MYO16: variants seen among roughly 807,000 people sequenced by gnomAD.
The protein encoded by MYO16 is unconventional myosin-XVI.
A neutral mutation model predicts 205.3 loss-of-function variants in MYO16; 94 were observed. The observed-to-expected ratio is 0.46, with a 90% CI of 0.39 to 0.54. The LOEUF is 0.54. Ranked by LOEUF, MYO16 falls within the 20% of genes least tolerant of loss-of-function variation. MYO16 has a pLI of 0.00. For synonymous variants in MYO16, 988 were observed against 954.0 expected (o/e 1.04, Z -0.66); for missense variants, 2,315 against 2,387.5 (o/e 0.97, Z 0.63).
At chr13:108,679,951 C>T (rs1882392273) in intron 2 of MYO16, among the ~76,000 whole-genome samples, 3 of 152,110 alleles carry the variant, frequency 2.0e-5, no homozygotes, top group Admixed American at 2.0e-4. Flanking sequence ...TCTGCCATCC[C>T]CTATCTAGAA....
At chr13:109,000,381 C>T (rs1207666158) in intron 21 of MYO16, among the ~76,000 whole-genome samples, 1 of 152,168 alleles carries the variant, frequency 6.6e-6, no homozygotes, top group East Asian at 1.9e-4. Flanking sequence ...TTATGAGGCC[C>T]AGTGGGAATT....
At chr13:109,002,937 T>C (rs1375740335) in intron 21 of MYO16, among the ~76,000 whole-genome samples, 1 of 152,252 alleles carries the variant, frequency 6.6e-6, no homozygotes, top group Admixed American at 6.5e-5. Flanking sequence ...TATTGAATGA[T>C]ATGTTCCTAT....
intron 23 of MYO16, among the ~76,000 whole-genome samples, chr13:109,026,590 A>T (rs1191808402): frequency 6.6e-6 from 1 of 152,224 alleles, no homozygotes; most frequent in Non-Finnish European, 1.5e-5. Flanking sequence ...TTATTGGTTC[A>T]TCTTGACAGA....
chr13:108,549,301 A>G, the MYO16 span, among the ~76,000 whole-genome samples: 1 of 152,142 alleles, frequency 6.6e-6, no homozygotes, highest in African/African-American at 2.4e-5. Flanking sequence ...TTTGAAGGGG[A>G]AAAAGGGGCT....
At chr13:108,923,194 G>A (rs954174068) in intron 16 of MYO16, among the ~76,000 whole-genome samples, 1 of 152,230 alleles carries the variant, frequency 6.6e-6, no homozygotes, top group African/African-American at 2.4e-5. Flanking sequence ...AGCCCCTGAA[G>A]ACCTGGGGGC....
intron 13 of MYO16, among the ~76,000 whole-genome samples, chr13:108,886,106 G>A (rs533741191): frequency 2.0e-5 from 3 of 152,134 alleles, no homozygotes; most frequent in South Asian, 2.1e-4. Context: ...TCCTGCCTCA[G>A]CCTCCCGAAT....
intron 20 of MYO16, among the ~76,000 whole-genome samples, chr13:108,978,302 A>C (rs372616152): frequency 1.3e-5 from 2 of 152,092 alleles, no homozygotes; most frequent in African/African-American, 4.8e-5. Context: ...CTGCCAATAC[A>C]TGTGGGAAAT....
intron 8 of MYO16, among the ~76,000 whole-genome samples, chr13:108,822,628 ATAT>A (rs901092213): frequency 1.3e-5 from 2 of 152,178 alleles, no homozygotes; most frequent in Non-Finnish European, 2.9e-5. Context: ...AAAGGTAAAA[ATAT>A]TATGGCTAGA....
At chr13:108,953,609 T>C (rs1008413254) in intron 16 of MYO16, among the ~76,000 whole-genome samples, 1 of 152,028 alleles carries the variant, frequency 6.6e-6, no homozygotes, top group Non-Finnish European at 1.5e-5. Context: ...TACTTAAATA[T>C]GTCTCCAGAT....
chr13:108,888,603 A>C (rs1160600896), intron 14 of MYO16, 126 bp downstream of exon 14: 1 of 499,118 alleles, frequency 2.0e-6, no homozygotes, highest in Non-Finnish European at 3.5e-6. Flanking sequence ...ATAAAGAATA[A>C]AAAATTATTG....
In MYO16 at chr13:109,019,825, G is replaced by A. The variant is rs781028366; in HGVS notation, c.2710G>A (p.Val904Met). ...SLLESSNTNA[V>M]YSPMKDGNGN... ...CCTAGAATCCTCAAACACAAATGCG[G>A]TGTACTCCCCCATGAAGGATGGGAA... The change falls in exon 23 of 35, where the codon GTG (valine) becomes ATG (methionine). Residue 904 changes from valine to methionine, a missense_variant. Physicochemically the swap from Val to Met is conservative, Grantham distance 21. Around this residue, in one of 3 missense-constraint regions of MYO16, gnomAD observed 1,213 missense variants for 1,274.4 expected, o/e 0.95. Coordinates refer to ENST00000457511, the MANE Select transcript of MYO16 (RefSeq NM_001198950.3). 5.6e-6 allele frequency: 9 copies of A among 1,614,102 alleles called. No homozygotes were observed. The highest frequency in any genetic ancestry group is 7.6e-6 in the Non-Finnish European group (9 of 1,179,998).
chr13:109,192,947 T>C (rs989989054), intron 34 of MYO16, among the ~76,000 whole-genome samples: 2 of 152,232 alleles, frequency 1.3e-5, no homozygotes, highest in Non-Finnish European at 2.9e-5. Context: ...CACCTAAGTT[T>C]AGCTTCCATT....
At chr13:108,825,487 C>G (rs1203862025) in intron 9 of MYO16, among the ~76,000 whole-genome samples, 1 of 151,880 alleles carries the variant, frequency 6.6e-6, no homozygotes, top group African/African-American at 2.4e-5. Flanking sequence ...TGATCAGTTA[C>G]CCCATAAGAT....
chr13:108,564,447 G>A, the MYO16 span, among the ~76,000 whole-genome samples: 3 of 152,140 alleles, frequency 2.0e-5, no homozygotes, highest in African/African-American at 7.2e-5. Context: ...GGGATTACAG[G>A]TGTGAGCCAC....
intron 7 of MYO16, among the ~76,000 whole-genome samples, chr13:108,815,685 TGTG>T (rs1875542745): frequency 6.6e-6 from 1 of 152,192 alleles, no homozygotes; most frequent in African/African-American, 2.4e-5. Context: ...CCACGAACCT[TGTG>T]GTGATTTGTT....
At chr13:108,937,231 G>T (rs1264240940) in intron 16 of MYO16, among the ~76,000 whole-genome samples, 1 of 152,030 alleles carries the variant, frequency 6.6e-6, no homozygotes, top group East Asian at 1.9e-4. Flanking sequence ...AGCCTGATGG[G>T]GTTCCCCCTT....
At chr13:108,793,155 G>C (rs111805049) in intron 5 of MYO16, among the ~76,000 whole-genome samples, 1 of 151,760 alleles carries the variant, frequency 6.6e-6, no homozygotes, top group Admixed American at 6.6e-5. Flanking sequence ...GCGCAGTGGC[G>C]GGCGCCTGTA....
At chr13:109,000,621 AC>A (rs746447334) in intron 21 of MYO16, among the ~76,000 whole-genome samples, 2 of 152,186 alleles carry the variant, frequency 1.3e-5, no homozygotes, top group South Asian at 4.1e-4. Flanking sequence ...AAGAAAACAA[AC>A]TTTTTTTTGA....
In MYO16 at chr13:109,140,193, C is replaced by G; in HGVS notation, c.4052-71C>G. On this transcript the variant is annotated intron_variant, in intron 31 of 34. Coordinates refer to ENST00000457511, the MANE Select transcript of MYO16 (RefSeq NM_001198950.3). This position sits in a 1 kb window ranked among gnomAD's most constrained non-coding sequence, Gnocchi z 8.0. ...CACGGGGCCGTGGCTCCCTCCGAGT[C>G]GAGCCCCGGGCTTGGTGGGCACCCG... 1 of 1,561,672 alleles carries G rather than the reference C, an allele frequency of 6.4e-7. No homozygotes were observed. The highest frequency in any genetic ancestry group is 1.2e-5 in the South Asian group (1 of 86,926).
Sources: allele counts gnomAD v4.1 joint callset (sites outside exome capture counted in the v4.1 genomes callset), GRCh38; gene constraint gnomAD v4.1.1; regional missense constraint gnomAD v4.1.1; non-coding constraint Gnocchi (gnomAD v3.1); transcripts MANE v1.5; gene names NCBI Gene and HGNC (gene_info 2026-07-23, HGNC 2026-07-21).